The following B3GALT1 variants were observed in gnomAD, a reference collection of about 807,000 sequenced individuals.
B3GALT1 encodes beta-1,3-galactosyltransferase 1.
Under a neutral mutation model 23.2 loss-of-function variants are expected in B3GALT1, and 10 were observed. The ratio of observed to expected loss-of-function variants is 0.43; its 90% CI spans 0.27 to 0.73. B3GALT1 has a LOEUF of 0.73. B3GALT1 is among the 30% of genes least tolerant of loss of function. The pLI, the probability that B3GALT1 is intolerant of heterozygous loss-of-function variation, is 0.21. For missense variants in B3GALT1, 299 were observed against 405.4 expected (o/e 0.74, Z 2.25); for synonymous variants, 156 against 141.5 (o/e 1.10, Z -0.73).
intron 2 of B3GALT1, among the ~76,000 whole-genome samples, chr2:167,505,229 T>G (rs2105350368): frequency 6.6e-6 from 1 of 152,268 alleles, no homozygotes; most frequent in Non-Finnish European, 1.5e-5. Flanking sequence ...GAAGAAAATT[T>G]TTCACTTAAT....
At chr2:167,678,467 C>T (rs895205193) in intron 3 of B3GALT1, among the ~76,000 whole-genome samples, 2 of 125,894 alleles carry the variant, frequency 1.6e-5, no homozygotes, top group East Asian at 2.1e-4. Flanking sequence ...GAGATGACTG[C>T]ACCTTATTAT....
intron 2 of B3GALT1, among the ~76,000 whole-genome samples, chr2:167,528,394 TC>T (rs1361105138): frequency 1.3e-5 from 2 of 152,188 alleles, no homozygotes; most frequent in Admixed American, 6.5e-5. Context: ...GAGTTCCTGG[TC>T]CCCTATTTAA....
chr2:167,613,842 G>A (rs745679504), intron 2 of B3GALT1, among the ~76,000 whole-genome samples: 4 of 151,708 alleles, frequency 2.6e-5, no homozygotes, highest in Admixed American at 6.6e-5. Flanking sequence ...TATCAAGAAT[G>A]TTTTAAATGA....
At chr2:167,709,178 AGG>A (rs1024941520) in intron 3 of B3GALT1, among the ~76,000 whole-genome samples, 5 of 152,220 alleles carry the variant, frequency 3.3e-5, no homozygotes, top group Non-Finnish European at 7.3e-5. Flanking sequence ...GAGAAACAAA[AGG>A]AGATGTTTTT....
At chr2:167,492,665 C>A (rs952804888) in intron 2 of B3GALT1, among the ~76,000 whole-genome samples, 4 of 152,130 alleles carry the variant, frequency 2.6e-5, no homozygotes, top group Admixed American at 2.6e-4. Context: ...AGAGTTTTAG[C>A]AATGCTAATA....
At chr2:167,630,035 A>G (rs1262512091) in intron 2 of B3GALT1, among the ~76,000 whole-genome samples, 2 of 151,876 alleles carry the variant, frequency 1.3e-5, no homozygotes, top group Admixed American at 1.3e-4. Flanking sequence ...ACATAGAAAG[A>G]ACAAGAAAGA....
intron 3 of B3GALT1, among the ~76,000 whole-genome samples, chr2:167,758,816 T>G: frequency 6.6e-6 from 1 of 152,158 alleles, no homozygotes; most frequent in East Asian, 1.9e-4. Context: ...CTACAGATGG[T>G]CAGGCTCAGA....
intron 2 of B3GALT1, among the ~76,000 whole-genome samples, chr2:167,523,989 ATTC>A (rs1331341767): frequency 2.6e-5 from 4 of 152,122 alleles, no homozygotes; most frequent in Non-Finnish European, 5.9e-5. Flanking sequence ...GCAAATGATT[ATTC>A]TTTTATATAT....
At chr2:167,825,749 G>A (rs1271799520) in intron 4 of B3GALT1, among the ~76,000 whole-genome samples, 2 of 152,084 alleles carry the variant, frequency 1.3e-5, no homozygotes, top group East Asian at 1.9e-4. Flanking sequence ...CTGCCCCTCT[G>A]ACTTTGTCTC....
intron 1 of B3GALT1, among the ~76,000 whole-genome samples, chr2:167,432,632 T>C (rs1299915069): frequency 6.6e-6 from 1 of 152,198 alleles, no homozygotes; most frequent in African/African-American, 2.4e-5. Context: ...GCCCTATTTT[T>C]GTGGAGCTCT....
intron 3 of B3GALT1, among the ~76,000 whole-genome samples, chr2:167,648,968 C>A (rs1685806019): frequency 6.6e-6 from 1 of 152,096 alleles, no homozygotes; most frequent in Non-Finnish European, 1.5e-5. Flanking sequence ...GCCTCCACGA[C>A]AGGCAGAGGA....
chr2:167,329,889 C>A (rs1696947393), intron 1 of B3GALT1, among the ~76,000 whole-genome samples: 1 of 151,586 alleles, frequency 6.6e-6, no homozygotes, highest in Non-Finnish European at 1.5e-5. Flanking sequence ...GTTGAGAAAT[C>A]TGCTGTTAGT....
chr2:167,866,554 C>G (rs1239017980), intron 4 of B3GALT1, among the ~76,000 whole-genome samples: 1 of 152,068 alleles, frequency 6.6e-6, no homozygotes, highest in Non-Finnish European at 1.5e-5. Context: ...AAGGCTTAAC[C>G]ATAGAGATAG....
At chr2:167,483,370 A>G (rs1699586066) in intron 1 of B3GALT1, among the ~76,000 whole-genome samples, 1 of 152,354 alleles carries the variant, frequency 6.6e-6, no homozygotes, top group Admixed American at 6.5e-5. Flanking sequence ...CACTGGGTTC[A>G]TATGGCAGTA....
intron 2 of B3GALT1, among the ~76,000 whole-genome samples, chr2:167,545,682 C>T (rs1188572046): frequency 2.0e-5 from 3 of 152,124 alleles, no homozygotes; most frequent in Non-Finnish European, 4.4e-5. Flanking sequence ...CCAGGGCACC[C>T]TCACTTCAGA....
At chr2:167,838,235 G>A (rs1173365142) in intron 4 of B3GALT1, among the ~76,000 whole-genome samples, 2 of 151,722 alleles carry the variant, frequency 1.3e-5, no homozygotes, top group African/African-American at 4.9e-5. Flanking sequence ...AATGAATCCA[G>A]GAGCTGGTTT....
chr2:167,556,656 A>C (rs1455484347), intron 2 of B3GALT1, among the ~76,000 whole-genome samples: 1 of 152,214 alleles, frequency 6.6e-6, no homozygotes, highest in Non-Finnish European at 1.5e-5. Context: ...TATTTACCAA[A>C]GAGTTGTAGG....
intron 1 of B3GALT1, among the ~76,000 whole-genome samples, chr2:167,315,480 T>A (rs1267289541): frequency 6.6e-6 from 1 of 152,164 alleles, no homozygotes; most frequent in East Asian, 1.9e-4. Flanking sequence ...TTTATTATCC[T>A]CCACTTGATA....
At chr2:167,498,128 C>G (rs557173108) in intron 2 of B3GALT1, among the ~76,000 whole-genome samples, 13 of 152,184 alleles carry the variant, frequency 8.5e-5, no homozygotes, top group Non-Finnish European at 1.8e-4. Flanking sequence ...GAACTGAGGT[C>G]TACACACGCT....
Sources: allele counts gnomAD v4.1 joint callset (sites outside exome capture counted in the v4.1 genomes callset), GRCh38; gene constraint gnomAD v4.1.1; transcripts MANE v1.5; gene names NCBI Gene and HGNC (gene_info 2026-07-23, HGNC 2026-07-21).